Variants in PAX3 observed in about 807,000 individuals in gnomAD.
PAX3 encodes paired box protein Pax-3.
Under a neutral mutation model 51.6 loss-of-function variants are expected in PAX3, and 14 were observed. The observed-to-expected ratio is 0.27, with a 90% CI of 0.18 to 0.42. The LOEUF (loss-of-function observed/expected upper bound fraction) is 0.42. Ranked by LOEUF, PAX3 falls within the 10% of genes least tolerant of loss-of-function variation. PAX3 has a pLI of 1.00. For missense variants in PAX3, 540 were observed against 642.8 expected, an observed-to-expected ratio of 0.84 and a Z score of 1.73; for synonymous variants, 280 against 253.4, an observed-to-expected ratio of 1.11 and a Z score of -1.00.
intron 2 of PAX3, among the ~76,000 whole-genome samples, chr2:222,296,515 A>G (rs186097420): frequency 2.0e-5 from 3 of 152,304 alleles, no homozygotes; most frequent in Admixed American, 1.3e-4. Flanking sequence ...GACTCATTGA[A>G]AACAATTTGC....
At chr2:222,293,660 C>T in intron 4 of PAX3, 1 of 1,614,128 alleles carries the variant, frequency 6.2e-7, no homozygotes, top group Non-Finnish European at 8.5e-7. Context: ...ATTTATAAGG[C>T]AGCCAATGTG....
rs537351956 is a variant in PAX3 at position 222,216,158 on chromosome 2, T to C, written c.1173+3982A>G. Among the ~76,000 whole-genome samples the C allele has an allele frequency of 3.9e-5, 6 of 152,322 alleles. No homozygotes were observed. In the South Asian group the frequency reaches 1.2e-3, roughly 32 times the overall value. On this transcript the variant is annotated intron_variant, in intron 7 of 8. Coordinates refer to ENST00000392070, the MANE Select transcript of PAX3 (RefSeq NM_181458.4). ...AGCCCTTGGGAAATTTCTTAGGACA[T>C]TATGCTTCCTCTGGTGCTGACCAGC...
chr2:222,262,300 A>G (rs1693891769), intron 4 of PAX3, among the ~76,000 whole-genome samples: 1 of 152,212 alleles, frequency 6.6e-6, no homozygotes, highest in Non-Finnish European at 1.5e-5. Context: ...TATAACAAAT[A>G]AAGCTACCAT....
intron 7 of PAX3, among the ~76,000 whole-genome samples, chr2:222,203,182 A>T (rs973932847): frequency 6.6e-6 from 1 of 151,328 alleles, no homozygotes; most frequent in Non-Finnish European, 1.5e-5. Context: ...TAACTTTCAG[A>T]TCAACATGGT....
At chr2:222,219,987 G>A (rs1309196628) in intron 7 of PAX3, among the ~76,000 whole-genome samples, 153 bp downstream of exon 7, 1 of 152,184 alleles carries the variant, frequency 6.6e-6, no homozygotes, top group Non-Finnish European at 1.5e-5. Context: ...AGGAAGGGTG[G>A]AGAGAAAGGA....
chr2:222,277,970 CT>C (rs201134751), intron 4 of PAX3, among the ~76,000 whole-genome samples: 41,338 of 137,690 alleles, frequency 0.3, 6,333 homozygotes, highest in Middle Eastern at 0.48. Flanking sequence ...TGTGTGATTT[CT>C]TTTTTTTTTT....
At chr2:222,202,460 A>G (rs556063351) in intron 7 of PAX3, among the ~76,000 whole-genome samples, 1 of 152,100 alleles carries the variant, frequency 6.6e-6, no homozygotes, top group South Asian at 2.1e-4. Flanking sequence ...AGAAGAGGAA[A>G]GAGAGAGATT....
intron 4 of PAX3, among the ~76,000 whole-genome samples, chr2:222,252,640 G>A (rs1312127374): frequency 6.6e-6 from 1 of 152,132 alleles, no homozygotes; most frequent in East Asian, 1.9e-4. Flanking sequence ...CATGTGGATG[G>A]AGGGATGCCT....
At chr2:222,215,459 AC>A (rs1242542693) in intron 7 of PAX3, among the ~76,000 whole-genome samples, 2 of 152,152 alleles carry the variant, frequency 1.3e-5, no homozygotes, top group African/African-American at 4.8e-5. Flanking sequence ...AGAAACTGTT[AC>A]CAAAGAACTG....
chr2:222,257,622 A>G (rs775066579), intron 4 of PAX3, among the ~76,000 whole-genome samples: 3 of 152,216 alleles, frequency 2.0e-5, no homozygotes, highest in Non-Finnish European at 2.9e-5. Context: ...CATCTTTTCA[A>G]ATGCCAGTAA....
At chr2:222,291,147 C>G (rs1433159429) in intron 4 of PAX3, among the ~76,000 whole-genome samples, 1 of 152,114 alleles carries the variant, frequency 6.6e-6, no homozygotes, top group Non-Finnish European at 1.5e-5. Flanking sequence ...TAGGCCGAGC[C>G]GGGGGAGGAA....
chr2:222,284,612 CGTGTGTGTGTGT>C (rs71053066), intron 4 of PAX3, among the ~76,000 whole-genome samples: 1 of 150,336 alleles, frequency 6.7e-6, no homozygotes, highest in African/African-American at 2.4e-5. Flanking sequence ...TGTCTGTGTG[CGTGTGTGTGTGT>C]GTGTGTGTGT....
chr2:222,267,225 G>A (rs1307150673), intron 4 of PAX3, among the ~76,000 whole-genome samples: 1 of 152,142 alleles, frequency 6.6e-6, no homozygotes, highest in Non-Finnish European at 1.5e-5. Context: ...TAAGAAAAAA[G>A]AGACTAGAAG....
rs910129399 is a variant in PAX3, at chr2:222,212,917, G to C, written c.1173+7223C>G. 2.6e-5 allele frequency among the ~76,000 whole-genome samples: 4 copies of C among 152,122 alleles called. No homozygotes were observed. In the East Asian group the frequency reaches 7.7e-4, roughly 29 times the overall value. On this transcript the variant is annotated intron_variant, in intron 7 of 8. Coordinates refer to ENST00000392070, the MANE Select transcript of PAX3 (RefSeq NM_181458.4). Reference sequence around the variant, plus strand: ...AAAAACTTTTTATCCTAGTTGCTTAGTTATAGACTAAGCAATAATGCTCAT... The same window carrying C: ...AAAAACTTTTTATCCTAGTTGCTTACTTATAGACTAAGCAATAATGCTCAT...
intron 4 of PAX3, 80 bp from the exon 5 acceptor site, chr2:222,232,363 G>A (rs1692629478): frequency 7.5e-6 from 9 of 1,203,652 alleles, no homozygotes; most frequent in South Asian, 5.0e-5. Context: ...TTCTCTCTCC[G>A]ACTGCAAGAC....
intron 7 of PAX3, among the ~76,000 whole-genome samples, chr2:222,213,239 C>T (rs188976142): frequency 2.0e-5 from 3 of 152,244 alleles, no homozygotes; most frequent in East Asian, 3.9e-4. Context: ...ACTCAAGAGG[C>T]TATGACTGGA....
chr2:222,282,931 G>C (rs1694697263), intron 4 of PAX3, among the ~76,000 whole-genome samples: 1 of 152,214 alleles, frequency 6.6e-6, no homozygotes, highest in South Asian at 2.1e-4. Flanking sequence ...ATAGGGATAG[G>C]AGAAAACGTA....
intron 4 of PAX3, among the ~76,000 whole-genome samples, chr2:222,280,429 G>GAAA (rs199961762): frequency 0.17 from 26,196 of 150,056 alleles, 2,513 homozygotes; most frequent in Middle Eastern, 0.24. Context: ...AAGAAAGAAA[G>GAAA]GAAGGAAGGA....
chr2:222,275,296 G>A (rs1694380242), intron 4 of PAX3, among the ~76,000 whole-genome samples: 1 of 151,916 alleles, frequency 6.6e-6, no homozygotes, highest in Non-Finnish European at 1.5e-5. Flanking sequence ...ATATTTTATG[G>A]CAATATTTGC....
Sources: allele counts gnomAD v4.1 joint callset (sites outside exome capture counted in the v4.1 genomes callset), GRCh38; gene constraint gnomAD v4.1.1; transcripts MANE v1.5; gene names NCBI Gene and HGNC (gene_info 2026-07-23, HGNC 2026-07-21).